Variants in BAAT observed in about 807,000 individuals in gnomAD.
BAAT encodes the protein bile acid-CoA:amino acid N-acyltransferase.
BAAT carries 13 observed loss-of-function variants against 18.9 expected under a neutral mutation model. That is an observed-to-expected ratio of 0.69 (90% confidence interval 0.45 to 1.10). The LOEUF (loss-of-function observed/expected upper bound fraction) is 1.10. Ranked by LOEUF, BAAT falls within the 50% of genes least tolerant of loss-of-function variation. The pLI is 0.00. For synonymous variants in BAAT, 170 were observed against 190.7 expected (o/e 0.89, Z 0.89); for missense variants, 489 against 504.0 (o/e 0.97, Z 0.28).
chr9:101,368,238 C>G lies in BAAT; in HGVS notation c.551G>C (p.Arg184Pro). ...AGCCAAGGCCAAGGAGGCGAAGCCA[C>G]GACTGGCTAGGAGGCTGGCCCGAAA... is the stretch of plus-strand genomic sequence containing the variant. ...LEFRASLLAS[R>P]GFASLALAYH... The change falls in exon 3 of 4, where the codon CGT becomes CCT. Residue 184 changes from arginine to proline, a missense_variant. Coordinates refer to ENST00000259407, the MANE Select transcript of BAAT (RefSeq NM_001701.4). 3.1e-6 allele frequency: 5 copies of G among 1,613,874 alleles called. No individual in the cohort carries two copies. The highest frequency in any genetic ancestry group is 4.2e-6 in the Non-Finnish European group (5 of 1,179,938).
chr9:101,381,359 A>C (rs925361075), intron 1 of BAAT, among the ~76,000 whole-genome samples: 1 of 150,546 alleles, frequency 6.6e-6, no homozygotes, highest in Non-Finnish European at 1.5e-5. Context: ...CCATCTCTAC[A>C]AAAAAAAAGT....
chr9:101,379,667 A>C (rs1021159088), intron 1 of BAAT, among the ~76,000 whole-genome samples: 1 of 152,206 alleles, frequency 6.6e-6, no homozygotes, highest in African/African-American at 2.4e-5. Flanking sequence ...TTCTAGTCTT[A>C]ACCATTGTTT....
At chr9:101,370,643 T>C (rs1829919299) in intron 2 of BAAT, among the ~76,000 whole-genome samples, 1 of 152,080 alleles carries the variant, frequency 6.6e-6, no homozygotes, top group South Asian at 2.1e-4. Context: ...AAACTATATG[T>C]AGTCACATTC....
chr9:101,369,018 A>G (rs552355468), intron 2 of BAAT, among the ~76,000 whole-genome samples: 2 of 152,304 alleles, frequency 1.3e-5, no homozygotes, highest in East Asian at 1.9e-4. Flanking sequence ...CAATAACGCC[A>G]TGTTCATTTT....
chr9:101,373,131 C>A (rs147452363), intron 1 of BAAT, among the ~76,000 whole-genome samples: 2 of 152,142 alleles, frequency 1.3e-5, no homozygotes, highest in East Asian at 3.9e-4. Flanking sequence ...CTAAAGACAG[C>A]AAATTCTTGC....
chr9:101,382,359 T>A (rs1446034835), intron 1 of BAAT, among the ~76,000 whole-genome samples: 4 of 152,100 alleles, frequency 2.6e-5, no homozygotes, highest in Non-Finnish European at 5.9e-5. Flanking sequence ...AAGCCTCAGA[T>A]AAGCATGCAT....
At chr9:101,382,356 A>G (rs933048240) in intron 1 of BAAT, among the ~76,000 whole-genome samples, 2 of 152,178 alleles carry the variant, frequency 1.3e-5, no homozygotes, top group Non-Finnish European at 2.9e-5. Context: ...AGAAAGCCTC[A>G]GATAAGCATG....
intron 3 of BAAT, among the ~76,000 whole-genome samples, chr9:101,365,635 C>G (rs917892555): frequency 2.0e-5 from 3 of 152,042 alleles, no homozygotes; most frequent in Non-Finnish European, 2.9e-5. Context: ...CTCTCAGGTT[C>G]AAGCAATTCT....
At chr9:101,376,198 C>A (rs1380931169) in intron 1 of BAAT, 1 of 175,292 alleles carries the variant, frequency 5.7e-6, no homozygotes. Context: ...TCATATTTGT[C>A]CCAGAAGGTT....
intron 1 of BAAT, among the ~76,000 whole-genome samples, chr9:101,383,968 CCTA>C (rs1176692535): frequency 6.6e-6 from 1 of 152,144 alleles, no homozygotes. Flanking sequence ...GACCAAATCT[CCTA>C]CTAATCCTCC....
chr9:101,362,722 G>C lies in BAAT; in HGVS notation c.963C>G (p.Leu321=). Residue 321 remains leucine, a synonymous_variant, in exon 4 of 4, where the codon CTC becomes CTG. Transcript: ENST00000259407. ...FPIEEAQGQF[L]FIVGEGDKTI... ...TCTTATCACCTTCTCCTACAATGAA[G>C]AGGAATTGCCCCTGGGCCTCTTCAA... 6 of 1,614,190 alleles carry C rather than the reference G, an allele frequency of 3.7e-6. No individual in the cohort carries two copies. The highest frequency in any genetic ancestry group is 5.1e-6 in the Non-Finnish European group (6 of 1,180,038).
chr9:101,366,069 CA>C (rs1254438245), intron 3 of BAAT, among the ~76,000 whole-genome samples: 1 of 152,062 alleles, frequency 6.6e-6, no homozygotes, highest in East Asian at 1.9e-4. Context: ...AACAGATCAC[CA>C]GATCTTAGTC....
At position 101,371,278 on chromosome 9, in the gene BAAT, T is replaced by C. The variant is rs150178434; in HGVS notation, c.127A>G (p.Met43Val). 25 of 1,613,198 alleles carry C rather than the reference T, an allele frequency of 1.5e-5. No individual in the cohort carries two copies. The African/African-American group carries it at 2.7e-4, about 17-fold the overall frequency. ...CTATAGTGGGCTTGAGAATAAAACA[T>C]GTCTCCGTTTTCATCTTCCAGTGAT... ...QASLEDENGD[M>V]FYSQAHYRAN... is the part of the protein sequence containing the mutation. The change falls in exon 2 of 4, where the codon ATG becomes GTG. Residue 43 changes from methionine (M) to valine (V), a missense_variant. By Grantham distance (21) the Met-to-Val change is conservative (BLOSUM62 1). Coordinates refer to ENST00000259407, the MANE Select transcript of BAAT (RefSeq NM_001701.4).
chr9:101,375,594 AAGAT>A (rs1830026062), intron 1 of BAAT: 1 of 167,182 alleles, frequency 6.0e-6, no homozygotes, highest in African/African-American at 2.4e-5. Flanking sequence ...GGATTGTCCA[AAGAT>A]AGAGTCAAAA....
At chr9:101,384,406 C>A (rs1224830001) in intron 1 of BAAT, among the ~76,000 whole-genome samples, 1 of 152,144 alleles carries the variant, frequency 6.6e-6, no homozygotes, top group Admixed American at 6.5e-5. Flanking sequence ...AAATTAAAAT[C>A]ATGGTGTGTA....
rs28937579 is a variant in BAAT, at chr9:101,371,179, T to C, written c.226A>G (p.Met76Val). ...LGGDYMGVHP[M>V]GLFWSLKPEK... ...GGTTTCAGAGACCAGAAGAGACCCA[T>C]GGGGTGGACTCCCATATAATCCCCT... The change falls in exon 2 of 4, where the codon ATG (methionine) becomes GTG (valine). Residue 76 changes from methionine (M) to valine (V), a missense_variant. By Grantham distance (21) the Met-to-Val change is conservative. Coordinates refer to ENST00000259407, the MANE Select transcript of BAAT (RefSeq NM_001701.4). 2.4e-5 allele frequency: 39 copies of C among 1,614,160 alleles called. No homozygotes were observed. The highest frequency in any genetic ancestry group is 2.2e-5 in the East Asian group (1 of 44,882).
In BAAT at chr9:101,371,100, T is replaced by A. The variant is rs750612727; in HGVS notation, c.305A>T (p.Gln102Leu). 2.4e-5 allele frequency: 38 copies of A among 1,613,986 alleles called. No individual in the cohort carries two copies. Among genetic ancestry groups the A allele is most frequent in the Non-Finnish European group, 2.7e-5 (32 of 1,180,012 alleles). ...TAAGTCATAAAGTTTTACTTGGACCTGGAAAGGCCTATTCATCACATCTCT... is the reference window on the plus strand; with the variant it reads ...TAAGTCATAAAGTTTTACTTGGACCAGGAAAGGCCTATTCATCACATCTCT... ...LKRDVMNRPF[Q>L]VQVKLYDLEL... is the part of the protein sequence containing the mutation. Residue 102 changes from glutamine to leucine, a missense_variant, in exon 2 of 4, where the codon CAG (glutamine) becomes CTG (leucine). Physicochemically the swap from Gln to Leu is moderately radical, Grantham distance 113. Transcript: ENST00000259407.
chr9:101,367,585 A>C (rs1270108571), intron 3 of BAAT, among the ~76,000 whole-genome samples: 3 of 151,954 alleles, frequency 2.0e-5, no homozygotes, highest in African/African-American at 7.3e-5. Flanking sequence ...CCCAGGCTCA[A>C]GCGATCTTTC....
At chr9:101,370,862 C>A in intron 2 of BAAT, 77 bp downstream of exon 2, 1 of 1,468,134 alleles carries the variant, frequency 6.8e-7, no homozygotes, top group Non-Finnish European at 9.5e-7. Flanking sequence ...ACAAGCTATT[C>A]AAGCTAAATT....
Sources: gnomAD v4.1 joint callset for allele counts (sites outside exome capture counted in the v4.1 genomes callset) on GRCh38, gnomAD v4.1.1 for gene constraint, MANE v1.5 for transcripts, NCBI Gene and HGNC (gene_info 2026-07-23, HGNC 2026-07-21) for gene names.